LHX1: variants seen among roughly 807,000 people sequenced by gnomAD.
LHX1 encodes the protein LIM/homeobox protein Lhx1.
In LHX1, 9 loss-of-function variants were observed where a neutral mutation model predicts 34.1. The observed-to-expected ratio is 0.26, with a 90% CI of 0.16 to 0.46. The LOEUF (loss-of-function observed/expected upper bound fraction) is 0.46. Among genes scored for constraint, LHX1 ranks in the 20% least tolerant of loss-of-function variants. LHX1 has a pLI of 1.00. For synonymous variants in LHX1, 254 were observed against 241.5 expected (o/e 1.05, Z -0.48); for missense variants, 446 against 559.1 (o/e 0.80, Z 2.04).
intron 1 of LHX1, 32 bp from the exon 2 acceptor site, chr17:36,940,258 C>CCGGGGGGGGGG: frequency 3.8e-6 from 2 of 528,898 alleles, no homozygotes. Flanking sequence ...GACCCATCCC[C>CCGGGGGGGGGG]GCCCCCGCCC....
In LHX1 at chr17:36,942,372, G is replaced by A. The variant is rs756656086; in HGVS notation, c.841+7G>A. 2 of 1,576,534 alleles carry A rather than the reference G, an allele frequency of 1.3e-6. No individual in the cohort carries two copies. Among genetic ancestry groups the A allele is most frequent in the Non-Finnish European group, 1.7e-6 (2 of 1,162,114 alleles). On this transcript the variant is annotated splice_region_variant and intron_variant, in intron 4 of 4. Transcript: ENST00000614239. ...CCCTTCTCCTTCTACGGAGGTGGGT[G>A]CGCGCCGAATGGCGGGGCGCGGCCA...
rs1207029831 is a variant in LHX1, at chr17:36,943,158, C to T, written c.*27C>T. 1 of 1,606,362 alleles carries T rather than the reference C, an allele frequency of 6.2e-7. No homozygotes were observed. The highest frequency in any genetic ancestry group is 1.1e-5 in the South Asian group (1 of 90,678). ...GGGGTCTCGCACGGTCTGCGGAGTT[C>T]GTGGTTGTACAGAAATGAACCTTTA... is the stretch of plus-strand genomic sequence containing the variant. On this transcript the variant is annotated 3_prime_UTR_variant, in exon 5 of 5. Coordinates refer to ENST00000614239, the MANE Select transcript of LHX1 (RefSeq NM_005568.5).
In LHX1 at chr17:36,942,954, G is replaced by C. The variant is rs747372404; in HGVS notation, c.1044G>C (p.Ala348=). Reference sequence around the variant, plus strand: ...CGCAGCGGTTTACCGACATCCTGGCGCACCCACCCGGGGACTCGCCCAGCC... The same window carrying C: ...CGCAGCGGTTTACCGACATCCTGGCCCACCCACCCGGGGACTCGCCCAGCC... ...SEAQRFTDIL[A]HPPGDSPSPE... Residue 348 remains alanine, a synonymous_variant, in exon 5 of 5, where the codon GCG becomes GCC. Transcript: ENST00000614239. 41 of 1,609,468 alleles carry C rather than the reference G, an allele frequency of 2.5e-5. No individual in the cohort carries two copies. The highest frequency in any genetic ancestry group is 3.3e-4 in the Middle Eastern group (2 of 6,040).
At chr17:36,942,515 G>A (rs2070772490) in intron 4 of LHX1, 150 bp downstream of exon 4, 2 of 957,010 alleles carry the variant, frequency 2.1e-6, no homozygotes, top group East Asian at 5.3e-5. Flanking sequence ...TCAAGGGGAG[G>A]CGGCGAGACC....
upstream of LHX1, chr17:36,937,392 C>A (rs2070733251): frequency 6.0e-6 from 2 of 335,702 alleles, no homozygotes; most frequent in South Asian, 2.1e-5. Flanking sequence ...GCTGCCTCCG[C>A]ACGGAGTTGT....
At chr17:36,939,448 G>A (rs985371661) in intron 1 of LHX1, among the ~76,000 whole-genome samples, 1 of 152,230 alleles carries the variant, frequency 6.6e-6, no homozygotes, top group African/African-American at 2.4e-5. Flanking sequence ...TCCAGGACTC[G>A]TGGCTGGGGT....
At position 36,942,337 on chromosome 17, in the gene LHX1, C is replaced by T; in HGVS notation, c.813C>T (p.Ile271=). ...LVDRLEPGEL[I]PNGPFSFYGD... ...ACCGCCTGGAGCCGGGCGAGCTCATCCCCAATGGTCCCTTCTCCTTCTACG... is the reference window on the plus strand; with the variant it reads ...ACCGCCTGGAGCCGGGCGAGCTCATTCCCAATGGTCCCTTCTCCTTCTACG... The change falls in exon 4 of 5, where the codon ATC becomes ATT. Residue 271 remains isoleucine (I), a synonymous_variant. Coordinates refer to ENST00000614239, the MANE Select transcript of LHX1 (RefSeq NM_005568.5). 5 of 1,589,078 alleles carry T rather than the reference C, an allele frequency of 3.1e-6. No homozygotes were observed. The highest frequency in any genetic ancestry group is 2.3e-5 in the East Asian group (1 of 43,790).
chr17:36,941,307 T>C, intron 3 of LHX1: 2 of 384,984 alleles, frequency 5.2e-6, no homozygotes, highest in South Asian at 4.2e-5. Flanking sequence ...AGTCTGCAAC[T>C]CCAACTTTGT....
chr17:36,938,331 G>A lies in LHX1; in HGVS notation c.134G>A (p.Arg45Lys), dbSNP rs1328145847. The change falls in exon 1 of 5, where the codon AGG becomes AAG. Residue 45 changes from arginine (R) to lysine (K), a missense_variant. Transcript: ENST00000614239. The stretch of plus-strand genomic sequence containing the variant: ...AACCTGACCGAGAAGTGCTTCTCCA[G>A]GGAAGGCAAACTCTACTGCAAGAAC... ...KCNLTEKCFS[R>K]EGKLYCKNDF... is the part of the protein sequence containing the mutation. 5 of 1,614,220 alleles carry A rather than the reference G, an allele frequency of 3.1e-6. No homozygotes were observed. Among genetic ancestry groups the A allele is most frequent in the Non-Finnish European group, 4.2e-6 (5 of 1,180,040 alleles).
At chr17:36,940,930 T>C (rs910449649) in intron 3 of LHX1, 43 bp downstream of exon 3, 2 of 1,547,420 alleles carry the variant, frequency 1.3e-6, no homozygotes, top group East Asian at 4.8e-5. Context: ...AGGCCCACAC[T>C]GCCACTTTGG....
In LHX1 at chr17:36,938,286, A is replaced by G. The variant is rs1267890525; in HGVS notation, c.89A>G (p.Gln30Arg). The G allele has an allele frequency of 1.2e-6, 2 of 1,614,050 alleles. No homozygotes were observed. The highest frequency in any genetic ancestry group is 1.1e-5 in the South Asian group (1 of 91,092). The change falls in exon 1 of 5, where the codon CAG (glutamine) becomes CGG (arginine). Residue 30 changes from glutamine (Q) to arginine (R), a missense_variant. Around this residue, in one of 3 missense-constraint regions of LHX1, gnomAD observed 168 missense variants for 226.6 expected, o/e 0.74. Coordinates refer to ENST00000614239, the MANE Select transcript of LHX1 (RefSeq NM_005568.5). ...AGGGCCTGGCACGTCAAGTGCGTCC[A>G]GTGCTGTGAATGTAAATGCAACCTG... ...LDRAWHVKCV[Q>R]CCECKCNLTE...
At chr17:36,941,367 A>C in intron 3 of LHX1, 1 of 340,110 alleles carries the variant, frequency 2.9e-6, no homozygotes. Context: ...TTCCCCTCCA[A>C]AGAGAGGTGG....
upstream of LHX1, chr17:36,937,305 A>G (rs1429552764): frequency 4.8e-6 from 2 of 417,178 alleles, no homozygotes; most frequent in African/African-American, 4.2e-5. Flanking sequence ...GGTCGCCCTG[A>G]GGACACGGAG....
rs2070776780 is a variant in LHX1, at chr17:36,942,971, C to T, written c.1061C>T (p.Ser354Leu). The T allele has an allele frequency of 6.2e-7, 1 of 1,610,848 alleles. No individual in the cohort carries two copies. Among genetic ancestry groups the T allele is most frequent in the Non-Finnish European group, 8.5e-7 (1 of 1,179,126 alleles). Residue 354 changes from serine (S) to leucine (L), a missense_variant, in exon 5 of 5, where the codon TCG (serine) becomes TTG (leucine). Physicochemically the swap from Ser to Leu is moderately radical, Grantham distance 145. Coordinates refer to ENST00000614239, the MANE Select transcript of LHX1 (RefSeq NM_005568.5). ...ATCCTGGCGCACCCACCCGGGGACT[C>T]GCCCAGCCCCGAGCCCAGCCTGCCC... ...TDILAHPPGDSPSPEPSLPGP... is the reference protein window; with the variant it reads ...TDILAHPPGDLPSPEPSLPGP...
At position 36,943,074 on chromosome 17, in the gene LHX1, G is replaced by T; in HGVS notation, c.1164G>T (p.Ala388=). Residue 388 remains alanine, a synonymous_variant, in exon 5 of 5, where the codon GCG becomes GCT. Coordinates refer to ENST00000614239, the MANE Select transcript of LHX1 (RefSeq NM_005568.5). ...PFSSLSVNGG[A]SYGNHLSHPP... ...CGTCGCTGTCGGTCAACGGTGGGGC[G>T]AGCTACGGAAACCACCTGTCCCACC... 2 of 1,610,576 alleles carry T rather than the reference G, an allele frequency of 1.2e-6. No individual in the cohort carries two copies. Among genetic ancestry groups the T allele is most frequent in the Non-Finnish European group, 1.7e-6 (2 of 1,178,470 alleles).
chr17:36,937,219 T>C (rs1383737617), upstream of LHX1: 2 of 453,116 alleles, frequency 4.4e-6, no homozygotes, highest in African/African-American at 4.0e-5. Flanking sequence ...GAGTTGTGAC[T>C]GGAGCCACGA....
chr17:36,938,314 C>A lies in LHX1; in HGVS notation c.117C>A (p.Thr39=). 1 of 1,614,194 alleles carries A rather than the reference C, an allele frequency of 6.2e-7. No homozygotes were observed. Among genetic ancestry groups the A allele is most frequent in the Admixed American group, 1.7e-5 (1 of 60,032 alleles). The change falls in exon 1 of 5, where the codon ACC becomes ACA. Residue 39 remains threonine (T), a synonymous_variant. Transcript: ENST00000614239. The stretch of plus-strand genomic sequence containing the variant: ...GCTGTGAATGTAAATGCAACCTGAC[C>A]GAGAAGTGCTTCTCCAGGGAAGGCA... ...VQCCECKCNL[T]EKCFSREGKL... is the part of the protein sequence containing the mutation.
rs2070788992 is a variant in LHX1 at position 36,944,307 on chromosome 17, A to G, written c.*1176A>G. The G allele has an allele frequency of 6.6e-6, 1 of 151,854 alleles. No individual in the cohort carries two copies. The highest frequency in any genetic ancestry group is 2.1e-4 in the South Asian group (1 of 4,824). 9.4% of individuals were successfully genotyped at this position (151,854 alleles called of 1,614,324 possible). On this transcript the variant is annotated 3_prime_UTR_variant, in exon 5 of 5. Coordinates refer to ENST00000614239, the MANE Select transcript of LHX1 (RefSeq NM_005568.5). The stretch of plus-strand genomic sequence containing the variant: ...AGTGTTACAAGATTTAAAAAAAAAC[A>G]TCTTTGCTAATTTTTTTGTCCTGTT...
upstream of LHX1, chr17:36,937,002 GC>G (rs1488704859): frequency 1.6e-4 from 43 of 271,380 alleles, no homozygotes; most frequent in African/African-American, 9.7e-4. Flanking sequence ...TCTCCAAGCT[GC>G]CCCCCTCCTC....
Sources: gnomAD v4.1 joint callset for allele counts (sites outside exome capture counted in the v4.1 genomes callset) on GRCh38, gnomAD v4.1.1 for gene constraint, gnomAD v4.1.1 regional missense constraint, MANE v1.5 for transcripts, NCBI Gene and HGNC (gene_info 2026-07-23, HGNC 2026-07-21) for gene names.